COL24A1: variants seen among roughly 807,000 people sequenced by gnomAD.
COL24A1 encodes the protein collagen type XXIV alpha 1 chain.
COL24A1 carries 224 observed loss-of-function variants against 253.9 expected under a neutral mutation model. The observed-to-expected ratio is 0.88, with a 90% CI of 0.79 to 0.99. The LOEUF is 0.99. COL24A1 is among the 50% of genes least tolerant of loss of function. The pLI, the probability that COL24A1 is intolerant of heterozygous loss-of-function variation, is 0.00. For missense variants in COL24A1, 2,131 were observed against 2,068.5 expected (o/e 1.03, Z -0.59); for synonymous variants, 685 against 673.7 (o/e 1.02, Z -0.26).
chr1:85,975,738 T>A (rs1322929645), intron 20 of COL24A1, among the ~76,000 whole-genome samples: 1 of 152,110 alleles, frequency 6.6e-6, no homozygotes, highest in Non-Finnish European at 1.5e-5. Context: ...TCATAGATCC[T>A]CTGACAGAAA....
At chr1:86,052,838 T>A (rs1210703544) in intron 10 of COL24A1, among the ~76,000 whole-genome samples, 1 of 152,060 alleles carries the variant, frequency 6.6e-6, no homozygotes, top group Non-Finnish European at 1.5e-5. Context: ...AAGGTTTTAT[T>A]TCCTTAGAAT....
In COL24A1 at chr1:85,874,543, A is replaced by G; in HGVS notation, c.3138+106T>C. ...TGAAACCAAACATTTTCTATAATGT[A>G]TCAGAAAGGTTTATTATCCAATTTT... On this transcript the variant is annotated intron_variant, in intron 35 of 59. Transcript: ENST00000370571. 7 of 943,850 alleles carry G rather than the reference A, an allele frequency of 7.4e-6. No individual in the cohort carries two copies. In the South Asian group the frequency reaches 8.6e-5, roughly 12 times the overall value. The allele number at this position is 943,850 out of a possible 1,614,324, so 58.5% of individuals were successfully genotyped here.
At chr1:85,873,846 G>C (rs185128762) in intron 35 of COL24A1, among the ~76,000 whole-genome samples, 2 of 148,198 alleles carry the variant, frequency 1.3e-5, no homozygotes, top group African/African-American at 4.9e-5. Flanking sequence ...AAAGACTAAG[G>C]CTCCGGTACA....
chr1:85,999,846 G>A (rs936042107), intron 19 of COL24A1, among the ~76,000 whole-genome samples: 2 of 152,042 alleles, frequency 1.3e-5, no homozygotes, highest in African/African-American at 4.8e-5. Context: ...TGAGAGGGGG[G>A]TCTCATAGTT....
rs1479864233 is a variant in COL24A1, at chr1:86,125,696, G to T, written c.640C>A (p.His214Asn). 2.5e-6 allele frequency: 4 copies of T among 1,610,320 alleles called. No individual in the cohort carries two copies. Among genetic ancestry groups the T allele is most frequent in the Non-Finnish European group, 3.4e-6 (4 of 1,177,606 alleles). The part of the protein sequence containing the change: ...TLGSMNNNSI[H>N]FEGIVCQLDI... ...AACTGACATACTATTCCTTCAAAATGGATAGAATTATTATTCATACTTCCT... is the reference window on the plus strand; with the variant it reads ...AACTGACATACTATTCCTTCAAAATTGATAGAATTATTATTCATACTTCCT... The change falls in exon 3 of 60, where the codon CAT (histidine) becomes AAT (asparagine). Residue 214 changes from histidine (H) to asparagine (N), a missense_variant. Physicochemically the swap from His to Asn is moderately conservative, Grantham distance 68 (BLOSUM62 1). Coordinates refer to ENST00000370571, the MANE Select transcript of COL24A1 (RefSeq NM_152890.7).
At chr1:86,089,076 T>G in intron 7 of COL24A1, 98 bp downstream of exon 7, 1 of 915,878 alleles carries the variant, frequency 1.1e-6, no homozygotes, top group Non-Finnish European at 1.6e-6. Context: ...AAGATCCATA[T>G]ATCATCCAAT....
At position 85,802,185 on chromosome 1, in the gene COL24A1, T is replaced by G. The variant is rs76062353; in HGVS notation, c.3951+14603A>C. 4.5e-4 allele frequency among the ~76,000 whole-genome samples: 68 copies of G among 152,296 alleles called. No individual in the cohort carries two copies. The East Asian group carries it at 0.012, about 26-fold the overall frequency. ...AGGGAATCCATTAAAAATGTAAAAT[T>G]GAATTGGATAATGTCTCTCCTGAGC... is the stretch of plus-strand genomic sequence containing the variant. On this transcript the variant is annotated intron_variant, in intron 47 of 59. Transcript: ENST00000370571.
intron 24 of COL24A1, among the ~76,000 whole-genome samples, chr1:85,924,935 C>A (rs1394003055): frequency 1.3e-5 from 2 of 152,156 alleles, no homozygotes; most frequent in Non-Finnish European, 2.9e-5. Context: ...ATCGTCTCAG[C>A]CCCAAATCTC....
intron 57 of COL24A1, 32 bp from the exon 58 acceptor site, chr1:85,737,537 G>T: frequency 7.5e-7 from 1 of 1,338,242 alleles, no homozygotes; most frequent in Non-Finnish European, 1.0e-6. Context: ...TAAAGTTAAA[G>T]TTATTAAATG....
intron 47 of COL24A1, among the ~76,000 whole-genome samples, chr1:85,797,520 G>A (rs1263721045): frequency 6.6e-6 from 1 of 152,198 alleles, no homozygotes; most frequent in Non-Finnish European, 1.5e-5. Context: ...AGAAAGTGGG[G>A]GAAATAATAG....
intron 59 of COL24A1, among the ~76,000 whole-genome samples, chr1:85,734,461 A>G (rs1663838119): frequency 6.6e-6 from 1 of 152,174 alleles, no homozygotes; most frequent in Non-Finnish European, 1.5e-5. Flanking sequence ...CCATCCATCC[A>G]TCCTGGTATA....
chr1:85,777,619 A>C (rs1024227073), intron 52 of COL24A1, among the ~76,000 whole-genome samples: 2 of 152,130 alleles, frequency 1.3e-5, no homozygotes, highest in African/African-American at 4.8e-5. Flanking sequence ...TAGTATTACA[A>C]AAAAAAGTCT....
chr1:86,057,267 A>G (rs2101732567), intron 10 of COL24A1, among the ~76,000 whole-genome samples: 1 of 152,276 alleles, frequency 6.6e-6, no homozygotes, highest in Non-Finnish European at 1.5e-5. Flanking sequence ...TTCCGCTGTG[A>G]CTATAAGTTT....
At chr1:86,055,441 C>T (rs936818022) in intron 10 of COL24A1, among the ~76,000 whole-genome samples, 1 of 152,024 alleles carries the variant, frequency 6.6e-6, no homozygotes, top group Non-Finnish European at 1.5e-5. Context: ...AAACAATTTT[C>T]AATACAAATG....
At position 85,830,466 on chromosome 1, in the gene COL24A1, G is replaced by A. The variant is rs548481679; in HGVS notation, c.3682-6728C>T. Among the ~76,000 whole-genome samples, 106 of 152,272 alleles carry A rather than the reference G, an allele frequency of 7.0e-4. 2 individuals are homozygous for A. The highest frequency in any genetic ancestry group is 5.3e-4 in the Non-Finnish European group (36 of 67,994). Reference sequence around the variant, plus strand: ...GGGCTCCACCCAGTTTGAGCTTCCCGGCTGCTTTGTTTACCTAAGTGAGCC... The same window carrying A: ...GGGCTCCACCCAGTTTGAGCTTCCCAGCTGCTTTGTTTACCTAAGTGAGCC... On this transcript the variant is annotated intron_variant, in intron 43 of 59. Coordinates refer to ENST00000370571, the MANE Select transcript of COL24A1 (RefSeq NM_152890.7).
chr1:86,134,695 T>C (rs1335173695), intron 2 of COL24A1, among the ~76,000 whole-genome samples: 3 of 122,838 alleles, frequency 2.4e-5, no homozygotes, highest in African/African-American at 9.2e-5. Context: ...CTAGTTTGAC[T>C]GCACTGTGGC....
intron 45 of COL24A1, among the ~76,000 whole-genome samples, chr1:85,821,698 C>G (rs1386461643): frequency 6.6e-6 from 1 of 152,100 alleles, no homozygotes; most frequent in Non-Finnish European, 1.5e-5. Context: ...AACTAGCTTG[C>G]CTGGATTATA....
chr1:85,851,530 C>T (rs1677766078), intron 37 of COL24A1, among the ~76,000 whole-genome samples: 2 of 152,086 alleles, frequency 1.3e-5, no homozygotes, highest in Non-Finnish European at 2.9e-5. Flanking sequence ...TCAAATTGTT[C>T]TCCAAAGTGA....
chr1:86,096,714 A>G (rs1348220063), intron 5 of COL24A1, among the ~76,000 whole-genome samples: 2 of 152,124 alleles, frequency 1.3e-5, no homozygotes, highest in African/African-American at 4.8e-5. Context: ...AATTCTATCT[A>G]TTCTGCACCT....
Sources: allele counts gnomAD v4.1 joint callset (sites outside exome capture counted in the v4.1 genomes callset), GRCh38; gene constraint gnomAD v4.1.1; transcripts MANE v1.5; gene names NCBI Gene and HGNC (gene_info 2026-07-23, HGNC 2026-07-21).